MEIS2: variants seen among roughly 807,000 people sequenced by gnomAD.
MEIS2 encodes homeobox protein Meis2.
In MEIS2, 9 loss-of-function variants were observed where a neutral mutation model predicts 58.6. That is an observed-to-expected ratio of 0.15 (90% CI 0.09 to 0.27). The LOEUF (loss-of-function observed/expected upper bound fraction) is 0.27, where lower values mean the gene tolerates loss of function less well. MEIS2 is among the 10% of genes least tolerant of loss of function. The pLI, the probability that MEIS2 is intolerant of heterozygous loss-of-function variation, is 1.00. For synonymous variants in MEIS2, 221 were observed against 228.4 expected, an observed-to-expected ratio of 0.97 and a Z score of 0.29; for missense variants, 427 against 635.0, an observed-to-expected ratio of 0.67 and a Z score of 3.52.
At position 37,053,689 on chromosome 15, in the gene MEIS2, C is replaced by T. The variant is rs140703285; in HGVS notation, c.755-16730G>A. ...AAAAAATGTGAAAACAACTATATAACCAAGAGAATGTTTTCATTTTGAAAA... is the reference window on the plus strand; with the variant it reads ...AAAAAATGTGAAAACAACTATATAATCAAGAGAATGTTTTCATTTTGAAAA... On this transcript the variant is annotated intron_variant, in intron 7 of 11. Coordinates refer to ENST00000561208, the MANE Select transcript of MEIS2 (RefSeq NM_170675.5). Among the ~76,000 whole-genome samples, 5 of 152,194 alleles carry T rather than the reference C, an allele frequency of 3.3e-5. No homozygotes were observed. The East Asian group carries it at 7.7e-4, about 24-fold the overall frequency.
At chr15:37,004,019 C>T (rs1387303560) in intron 8 of MEIS2, among the ~76,000 whole-genome samples, 3 of 152,144 alleles carry the variant, frequency 2.0e-5, no homozygotes, top group African/African-American at 7.2e-5. Flanking sequence ...TATTTTGTTA[C>T]AGCAGCCAAA....
At chr15:36,927,435 T>C (rs143961266) in intron 9 of MEIS2, among the ~76,000 whole-genome samples, 42 of 151,770 alleles carry the variant, frequency 2.8e-4, no homozygotes, top group African/African-American at 9.7e-4. Flanking sequence ...GAAAATAAGG[T>C]GAAAGGAAAA....
At chr15:36,904,023 G>A (rs2056604557) in intron 9 of MEIS2, 1 of 152,204 alleles carries the variant, frequency 6.6e-6, no homozygotes, top group Non-Finnish European at 1.5e-5. Flanking sequence ...ATACAGTCTA[G>A]CAGGCCAGCT....
intron 8 of MEIS2, among the ~76,000 whole-genome samples, chr15:37,028,464 A>G (rs1036812591): frequency 6.6e-6 from 1 of 152,208 alleles, no homozygotes; most frequent in Non-Finnish European, 1.5e-5. Context: ...CCCCCTCAAG[A>G]GAGACAAAGT....
chr15:36,892,024 G>C lies in MEIS2; in HGVS notation c.*149C>G. ...TTCACATTTGTGTTCTTGTTGCATT[G>C]GTCCTCTGTTGCTTGATGAAAAATG... On this transcript the variant is annotated 3_prime_UTR_variant, in exon 12 of 12. Coordinates refer to ENST00000561208, the MANE Select transcript of MEIS2 (RefSeq NM_170675.5). The C allele has an allele frequency of 1.3e-6, 1 of 796,794 alleles. No individual in the cohort carries two copies. Among genetic ancestry groups the C allele is most frequent in the Non-Finnish European group, 2.1e-6 (1 of 482,930 alleles). 49.4% of individuals were successfully genotyped at this position (796,794 alleles called of 1,614,324 possible). A position where few individuals can be genotyped will look rare whatever the true frequency, so the allele number is the denominator to read the frequency against.
chr15:36,989,264 G>A (rs1425740670), intron 8 of MEIS2, among the ~76,000 whole-genome samples: 1 of 152,146 alleles, frequency 6.6e-6, no homozygotes, highest in East Asian at 1.9e-4. Flanking sequence ...CCAAACTAAA[G>A]CTCATGGTTT....
At chr15:37,015,435 T>G (rs1258247947) in intron 8 of MEIS2, among the ~76,000 whole-genome samples, 1 of 151,438 alleles carries the variant, frequency 6.6e-6, no homozygotes, top group Non-Finnish European at 1.5e-5. Flanking sequence ...TCCCCCTTTG[T>G]TTTGGTGCAG....
chr15:36,930,017 A>G (rs562956608), intron 9 of MEIS2, among the ~76,000 whole-genome samples: 1 of 152,192 alleles, frequency 6.6e-6, no homozygotes, highest in Admixed American at 6.5e-5. Flanking sequence ...AGCCTGGCCA[A>G]CATGGTGAAA....
intron 7 of MEIS2, among the ~76,000 whole-genome samples, chr15:37,049,695 T>A (rs1164340674): frequency 1.3e-5 from 2 of 151,886 alleles, no homozygotes; most frequent in Admixed American, 1.3e-4. Context: ...ATCACGATGG[T>A]CATGCTGGTC....
At chr15:36,983,575 A>G (rs920331646) in intron 8 of MEIS2, among the ~76,000 whole-genome samples, 3 of 152,056 alleles carry the variant, frequency 2.0e-5, no homozygotes, top group Admixed American at 2.0e-4. Context: ...AAAACAGTCA[A>G]TATGGTGGCT....
chr15:36,938,726 A>C (rs952096316), intron 9 of MEIS2, among the ~76,000 whole-genome samples: 27 of 152,276 alleles, frequency 1.8e-4, no homozygotes, highest in African/African-American at 5.8e-4. Flanking sequence ...TTAGAATCAT[A>C]AAATATTAGA....
At chr15:36,922,658 T>C (rs1430183191) in intron 9 of MEIS2, among the ~76,000 whole-genome samples, 1 of 150,640 alleles carries the variant, frequency 6.6e-6, no homozygotes, top group African/African-American at 2.4e-5. Flanking sequence ...TTGCTCTTTC[T>C]TGCCCAAGCT....
chr15:37,048,204 C>T (rs978641819), intron 7 of MEIS2, among the ~76,000 whole-genome samples: 3 of 152,030 alleles, frequency 2.0e-5, no homozygotes, highest in African/African-American at 7.2e-5. Context: ...TAGTCTGCTT[C>T]CAAAAATGTA....
At chr15:37,055,532 C>T (rs1171633477) in intron 7 of MEIS2, among the ~76,000 whole-genome samples, 1 of 152,216 alleles carries the variant, frequency 6.6e-6, no homozygotes, top group Non-Finnish European at 1.5e-5. Flanking sequence ...ACCACTGCCA[C>T]AGCCACCACC....
intron 8 of MEIS2, among the ~76,000 whole-genome samples, chr15:37,022,717 G>A (rs1360106669): frequency 2.0e-5 from 3 of 152,088 alleles, no homozygotes; most frequent in South Asian, 2.1e-4. Context: ...TCAGCTCACT[G>A]CAACCTCGTC....
chr15:37,026,979 A>G (rs2061729077), intron 8 of MEIS2, among the ~76,000 whole-genome samples: 1 of 152,202 alleles, frequency 6.6e-6, no homozygotes, highest in Non-Finnish European at 1.5e-5. Context: ...AAAGCATGAA[A>G]ATGGCATTAC....
chr15:36,973,599 AT>A (rs978844649), intron 8 of MEIS2, among the ~76,000 whole-genome samples: 16 of 152,234 alleles, frequency 1.1e-4, no homozygotes, highest in Non-Finnish European at 1.2e-4. Flanking sequence ...TCTATTTTAA[AT>A]TATCCGAATT....
chr15:37,082,122 CAG>C (rs764044765), intron 7 of MEIS2, among the ~76,000 whole-genome samples: 25 of 152,134 alleles, frequency 1.6e-4, no homozygotes, highest in Non-Finnish European at 3.5e-4. Context: ...AATGAATCTA[CAG>C]AGAGGAGAAA....
intron 9 of MEIS2, among the ~76,000 whole-genome samples, chr15:36,947,557 G>A (rs2058611847): frequency 6.6e-6 from 1 of 151,980 alleles, no homozygotes; most frequent in Admixed American, 6.6e-5. Context: ...TAAGAGGTAA[G>A]TGAGAAGCAG....
Sources: gnomAD v4.1 joint callset for allele counts (sites outside exome capture counted in the v4.1 genomes callset) on GRCh38, gnomAD v4.1.1 for gene constraint, MANE v1.5 for transcripts, NCBI Gene and HGNC (gene_info 2026-07-23, HGNC 2026-07-21) for gene names.